FAF2: variants seen among roughly 807,000 people sequenced by gnomAD.
FAF2 encodes the protein FAS-associated factor 2.
FAF2 carries 9 observed loss-of-function variants against 62.3 expected under a neutral mutation model. The observed-to-expected ratio is 0.14, with a 90% CI of 0.09 to 0.25. The LOEUF (loss-of-function observed/expected upper bound fraction) is 0.25. Among genes scored for constraint, FAF2 ranks in the 10% least tolerant of loss-of-function variants. The pLI, the probability that FAF2 is intolerant of heterozygous loss-of-function variation, is 1.00. For synonymous variants in FAF2, 202 were observed against 198.0 expected (o/e 1.02, Z -0.17); for missense variants, 368 against 556.2 (o/e 0.66, Z 3.40).
intron 1 of FAF2, among the ~76,000 whole-genome samples, chr5:176,454,162 G>T (rs1162243336): frequency 6.6e-6 from 1 of 151,502 alleles, no homozygotes; most frequent in Non-Finnish European, 1.5e-5. Flanking sequence ...GGAGGCCGAG[G>T]CAGGCAGATC....
chr5:176,458,562 C>A (rs1758320522), intron 1 of FAF2, among the ~76,000 whole-genome samples: 1 of 151,640 alleles, frequency 6.6e-6, no homozygotes, highest in East Asian at 1.9e-4. Context: ...TGCCACCACA[C>A]CCAGCTAATT....
chr5:176,499,242 A>G (rs1388660524), intron 9 of FAF2, among the ~76,000 whole-genome samples, 157 bp downstream of exon 9: 2 of 152,118 alleles, frequency 1.3e-5, no homozygotes, highest in East Asian at 3.9e-4. Context: ...AACATGTTGG[A>G]ATTAGGGGTG....
Position 176,494,180 on chromosome 5 carries a change from A to T in FAF2, c.570-4A>T, listed in dbSNP as rs1328663220. 6.2e-7 allele frequency: 1 copy of T among 1,613,832 alleles called. No homozygotes were observed. Among genetic ancestry groups the T allele is most frequent in the South Asian group, 1.1e-5 (1 of 91,078 alleles). ...TCTCATATCCTTTTCATACCTTTCC[A>T]CAGCAACACACTCTGTGCACCTGAA... On this transcript the variant is annotated splice_polypyrimidine_tract_variant and splice_region_variant and intron_variant, in intron 6 of 10. Transcript: ENST00000261942. This position sits in a 1 kb window ranked among gnomAD's most constrained non-coding sequence, Gnocchi z 4.0.
At chr5:176,493,637 C>CT (rs1296379114) in intron 5 of FAF2, among the ~76,000 whole-genome samples, 13 of 152,284 alleles carry the variant, frequency 8.5e-5, no homozygotes, top group Admixed American at 8.5e-4. Flanking sequence ...TCTCACCTCC[C>CT]TTTCATATGG....
rs1338138794 is a variant in FAF2 at position 176,457,784 on chromosome 5, GA to G, written c.63+9318del. Among the ~76,000 whole-genome samples the G allele has an allele frequency of 2.6e-5, 4 of 151,982 alleles. No individual in the cohort carries two copies. In the South Asian group the frequency reaches 8.3e-4, roughly 31 times the overall value. ...TGGACTTTTCCACCAAGGAAATTAT[GA>G]AAACTTTCTCACAGTCCTGGAATAA... On this transcript the variant is annotated intron_variant, in intron 1 of 10. Coordinates refer to ENST00000261942, the MANE Select transcript of FAF2 (RefSeq NM_014613.3).
chr5:176,459,399 C>T (rs531561503), intron 1 of FAF2, among the ~76,000 whole-genome samples: 2 of 152,092 alleles, frequency 1.3e-5, no homozygotes, highest in East Asian at 1.9e-4. Flanking sequence ...GCTCGAACTA[C>T]AGGCCCACGC....
At chr5:176,467,129 CTT>C (rs374702773) in intron 1 of FAF2, among the ~76,000 whole-genome samples, 5,374 of 93,834 alleles carry the variant, frequency 0.057, 108 homozygotes, top group East Asian at 0.12. Context: ...TTTTTTTTTC[CTT>C]TTTTTTTTTT....
chr5:176,454,742 A>T (rs529104680), intron 1 of FAF2, among the ~76,000 whole-genome samples: 2 of 152,274 alleles, frequency 1.3e-5, no homozygotes, highest in South Asian at 4.1e-4. Flanking sequence ...TCTTCTGCAT[A>T]CACAGCTTAA....
chr5:176,474,928 C>G (rs761177221), intron 1 of FAF2, among the ~76,000 whole-genome samples: 5 of 152,122 alleles, frequency 3.3e-5, no homozygotes, highest in Admixed American at 6.6e-5. Flanking sequence ...AATCCTGTCC[C>G]AGGTGTGTCC....
At chr5:176,497,391 T>C (rs1158733290) in intron 8 of FAF2, among the ~76,000 whole-genome samples, 1 of 152,220 alleles carries the variant, frequency 6.6e-6, no homozygotes, top group African/African-American at 2.4e-5. Context: ...AACATTGTTA[T>C]AAATTTTTTT....
At position 176,494,870 on chromosome 5, in the gene FAF2, A is replaced by T. The variant is rs950865942; in HGVS notation, c.661+595A>T. ...CCATAATTAGCAAGTTGTAGCGTAC[A>T]GTCGGGTCTGCCAGATTCTAAAGCC... is the stretch of plus-strand genomic sequence containing the variant. On this transcript the variant is annotated intron_variant, in intron 7 of 10. Transcript: ENST00000261942. The surrounding 1 kb of genome is among the most constrained non-coding windows in gnomAD (Gnocchi z 4.0). Among the ~76,000 whole-genome samples the T allele has an allele frequency of 1.3e-5, 2 of 152,180 alleles. No individual in the cohort carries two copies. Among genetic ancestry groups the T allele is most frequent in the African/African-American group, 2.4e-5 (1 of 41,446 alleles).
At chr5:176,475,334 T>C (rs945497802) in intron 1 of FAF2, among the ~76,000 whole-genome samples, 2 of 152,032 alleles carry the variant, frequency 1.3e-5, no homozygotes, top group Non-Finnish European at 2.9e-5. Flanking sequence ...AGTTTCTCTA[T>C]ATTGGCCAGG....
chr5:176,471,342 T>A (rs1026770985), intron 1 of FAF2, among the ~76,000 whole-genome samples: 2 of 151,128 alleles, frequency 1.3e-5, no homozygotes, highest in African/African-American at 4.9e-5. Context: ...ATGAAGGGTC[T>A]GGGTTAGTGA....
intron 10 of FAF2, among the ~76,000 whole-genome samples, chr5:176,503,631 G>T (rs967415030): frequency 1.1e-4 from 16 of 151,862 alleles, no homozygotes; most frequent in African/African-American, 3.6e-4. Context: ...AGGAGTGACA[G>T]ATTTGTAGGT....
intron 4 of FAF2, 76 bp from the exon 5 acceptor site, chr5:176,492,118 A>G (rs1467653097): frequency 1.9e-6 from 3 of 1,562,008 alleles, no homozygotes; most frequent in Non-Finnish European, 2.6e-6. Context: ...CTGTTACAGG[A>G]ATCTGTACAA....
At chr5:176,486,925 A>G (rs942365123) in intron 3 of FAF2, among the ~76,000 whole-genome samples, 1 of 152,220 alleles carries the variant, frequency 6.6e-6, no homozygotes, top group Non-Finnish European at 1.5e-5. Flanking sequence ...TCTTGCTACT[A>G]GGGATCCAGA....
intron 8 of FAF2, 68 bp from the exon 9 acceptor site, chr5:176,498,846 C>T: frequency 1.4e-6 from 2 of 1,394,552 alleles, no homozygotes; most frequent in Non-Finnish European, 9.6e-7. Context: ...CAGAAGATTT[C>T]AATATAAGAA....
chr5:176,477,714 G>C (rs1758728299), intron 1 of FAF2, among the ~76,000 whole-genome samples: 1 of 152,056 alleles, frequency 6.6e-6, no homozygotes, highest in Admixed American at 6.6e-5. Flanking sequence ...TTTGAATTTT[G>C]TTTCATTTTT....
intron 1 of FAF2, among the ~76,000 whole-genome samples, chr5:176,470,460 C>A (rs532617020): frequency 6.6e-6 from 1 of 152,350 alleles, no homozygotes; most frequent in East Asian, 1.9e-4. Context: ...GCCTGTAATG[C>A]CAGCTACGCG....
Sources: allele counts gnomAD v4.1 joint callset (sites outside exome capture counted in the v4.1 genomes callset), GRCh38; gene constraint gnomAD v4.1.1; non-coding constraint Gnocchi (gnomAD v3.1); transcripts MANE v1.5; gene names NCBI Gene and HGNC (gene_info 2026-07-23, HGNC 2026-07-21).